LONRF3: variants seen among roughly 807,000 people sequenced by gnomAD.
LONRF3 encodes LON peptidase N-terminal domain and ring finger 3.
A neutral mutation model predicts 51.7 loss-of-function variants in LONRF3; 19 were observed. The ratio of observed to expected loss-of-function variants is 0.37; its 90% CI spans 0.26 to 0.54. LONRF3 has a LOEUF of 0.54. LONRF3 is among the 20% of genes least tolerant of loss of function. The probability of loss-of-function intolerance (pLI) is 0.86; values close to 1 mark genes in which losing one functional copy is unlikely to be tolerated. For missense variants in LONRF3, 521 were observed against 623.9 expected (o/e 0.84, Z 1.76); for synonymous variants, 265 against 257.8 (o/e 1.03, Z -0.27).
rs764198995 is a variant in LONRF3, at chrX:119,013,149, G to A, written c.1922G>A (p.Ser641Asn). The A allele has an allele frequency of 8.2e-7, 1 of 1,212,391 alleles. No individual in the cohort carries two copies. The highest frequency in any genetic ancestry group is 1.1e-6 in the Non-Finnish European group (1 of 895,660). ...GKRRFRVLHQ[S>N]QRDGYNTADI... ...AGGCGCTTCAGGGTGCTCCATCAGA[G>A]CCAGCGGGATGGCTACAACACAGCC... Residue 641 changes from serine to asparagine, a missense_variant, in exon 9 of 11, where the codon AGC (serine) becomes AAC (asparagine). By Grantham distance (46) the Ser-to-Asn change is conservative (BLOSUM62 1). This residue lies in a region of LONRF3 where 145 missense variants were observed against 247.2 expected (regional missense o/e 0.59). Transcript: ENST00000371628.
In LONRF3 at chrX:118,989,717, G is replaced by A. The variant is rs199972979; in HGVS notation, c.1324+45G>A. The A allele has an allele frequency of 8.6e-4, 1,006 of 1,163,027 alleles. 6 individuals are homozygous for A. In the African/African-American group the frequency reaches 0.015, roughly 17 times the overall value. On this transcript the variant is annotated intron_variant, in intron 4 of 10. Coordinates refer to ENST00000371628, the MANE Select transcript of LONRF3 (RefSeq NM_001031855.3). ...AGAAGGTAGCTTGGAGGAGATCCCC[G>A]GGCTCACCAATATATACAAGTTACT...
intron 2 of LONRF3, among the ~76,000 whole-genome samples, chrX:118,980,975 G>T (rs1922505698): frequency 8.9e-6 from 1 of 112,009 alleles, no homozygotes. Flanking sequence ...TTTCTTGGAG[G>T]TTAAGAGAAG....
At chrX:119,009,363 GC>G in intron 7 of LONRF3, 116 bp downstream of exon 7, 1 of 777,246 alleles carries the variant, frequency 1.3e-6, no homozygotes, top group African/African-American at 2.1e-5. Context: ...CTTGAAATTG[GC>G]TATGGTGAGA....
At chrX:119,003,606 A>G (rs1256765121) in intron 5 of LONRF3, among the ~76,000 whole-genome samples, 7 of 112,329 alleles carry the variant, frequency 6.2e-5, no homozygotes, top group South Asian at 3.7e-4. Flanking sequence ...TCCTTGTGCT[A>G]GTCATATACT....
At chrX:118,984,796 A>G (rs1922834347) in intron 3 of LONRF3, among the ~76,000 whole-genome samples, 1 of 112,369 alleles carries the variant, frequency 8.9e-6, no homozygotes, top group Non-Finnish European at 1.9e-5. Flanking sequence ...TGATGAGGCC[A>G]TGGCGGCGAT....
At chrX:119,001,032 A>C (rs1367854802) in intron 5 of LONRF3, among the ~76,000 whole-genome samples, 5 of 111,854 alleles carry the variant, frequency 4.5e-5, no homozygotes, top group Non-Finnish European at 9.4e-5. Context: ...CATCAAACTG[A>C]AAGCATTTAT....
At position 119,006,154 on chromosome X, in the gene LONRF3, G is replaced by A; in HGVS notation, c.1449G>A (p.Gly483=). The A allele has an allele frequency of 8.4e-7, 1 of 1,195,860 alleles. No homozygotes were observed. The highest frequency in any genetic ancestry group is 1.1e-6 in the Non-Finnish European group (1 of 883,961). Residue 483 remains glycine, a synonymous_variant, in exon 6 of 11, where the codon GGG becomes GGA. Coordinates refer to ENST00000371628, the MANE Select transcript of LONRF3 (RefSeq NM_001031855.3). ...ATGAGCCAGTCACAACACCTTGCGG[G>A]CATACTTTTTGCTTAAAATGCCTAG... ...LFYEPVTTPC[G]HTFCLKCLER...
intron 10 of LONRF3, among the ~76,000 whole-genome samples, chrX:119,015,143 A>G (rs186507349): frequency 9.0e-6 from 1 of 111,469 alleles, no homozygotes; most frequent in Non-Finnish European, 1.9e-5. Flanking sequence ...AAGGCTGGAG[A>G]TATCCTAACC....
intron 5 of LONRF3, among the ~76,000 whole-genome samples, chrX:118,999,064 G>A (rs1044522884): frequency 1.8e-5 from 2 of 112,650 alleles, no homozygotes; most frequent in African/African-American, 6.5e-5. Context: ...TATCGATCAT[G>A]TGCATTTGTA....
chrX:118,983,213 T>C (rs767576286), intron 3 of LONRF3, among the ~76,000 whole-genome samples: 1 of 111,980 alleles, frequency 8.9e-6, no homozygotes, highest in African/African-American at 3.2e-5. Flanking sequence ...GGGTCTGGAT[T>C]GTCAGTGGGA....
chrX:118,975,369 G>T lies in LONRF3; in HGVS notation c.589G>T (p.Val197Phe). 2 of 1,208,894 alleles carry T rather than the reference G, an allele frequency of 1.7e-6. No individual in the cohort carries two copies. Among genetic ancestry groups the T allele is most frequent in the Non-Finnish European group, 2.2e-6 (2 of 894,462 alleles). ...CGACCGGCGCTGTGCGCTGTGCGGG[G>T]TCAAGCTCTCCGCCTTGATGGTGGC... ...AADRRCALCG[V>F]KLSALMVATG... is the part of the protein sequence containing the mutation. The change falls in exon 1 of 11, where the codon GTC becomes TTC. Residue 197 changes from valine (V) to phenylalanine (F), a missense_variant. Transcript: ENST00000371628.
chrX:118,989,812 C>A, intron 4 of LONRF3, 140 bp downstream of exon 4: 1 of 605,863 alleles, frequency 1.7e-6, no homozygotes, highest in Non-Finnish European at 2.5e-6. Context: ...GCTGTGTGAC[C>A]TCAGAGATTG....
In LONRF3 at chrX:119,009,161, A is replaced by C. The variant is rs751552072; in HGVS notation, c.1566A>C (p.Ile522=). ...CAAGAAAATACAGCAAAAATGTAAT[A>C]ATGGAGGAGCTCATAGCTAAATTCC... ...LASRKYSKNV[I]MEELIAKFLP... is the part of the protein sequence containing the mutation. The change falls in exon 7 of 11, where the codon ATA becomes ATC. Residue 522 remains isoleucine (I), a synonymous_variant. Coordinates refer to ENST00000371628, the MANE Select transcript of LONRF3 (RefSeq NM_001031855.3). The C allele has an allele frequency of 1.1e-5, 13 of 1,208,956 alleles. No homozygotes were observed. In the Admixed American group the frequency reaches 1.1e-4, roughly 10 times the overall value.
intron 6 of LONRF3, among the ~76,000 whole-genome samples, chrX:119,007,697 G>A (rs1273297100): frequency 1.8e-5 from 2 of 111,777 alleles, no homozygotes; most frequent in Admixed American, 9.5e-5. Flanking sequence ...GGAATGGAGT[G>A]AAATCATCAT....
At chrX:119,014,413 G>C in intron 10 of LONRF3, 57 bp downstream of exon 10, 1 of 1,062,719 alleles carries the variant, frequency 9.4e-7, no homozygotes. Flanking sequence ...AGTGCCTAGT[G>C]TTTGTGATTA....
At chrX:118,997,301 A>C (rs760941217) in intron 5 of LONRF3, among the ~76,000 whole-genome samples, 3 of 112,027 alleles carry the variant, frequency 2.7e-5, no homozygotes, top group Non-Finnish European at 3.8e-5. Flanking sequence ...AAAATAGAGA[A>C]CCCAGAAATA....
rs1423264511 is a variant in LONRF3, at chrX:119,001,881, C to G, written c.1416-4240C>G. ...GTTACATTCTTAAATGAACAATAGG[C>G]CCAATTGCAAAATTCTCAGGAAAAA... On this transcript the variant is annotated intron_variant, in intron 5 of 10. Coordinates refer to ENST00000371628, the MANE Select transcript of LONRF3 (RefSeq NM_001031855.3). Among the ~76,000 whole-genome samples the G allele has an allele frequency of 2.7e-5, 3 of 112,266 alleles. No homozygotes were observed. In the Admixed American group the frequency reaches 2.8e-4, roughly 11 times the overall value.
intron 5 of LONRF3, among the ~76,000 whole-genome samples, chrX:118,998,124 C>G (rs1190931154): frequency 8.9e-6 from 1 of 112,022 alleles, no homozygotes; most frequent in Admixed American, 9.4e-5. Context: ...TGGGTATCTA[C>G]CCAGAGGAAA....
intron 3 of LONRF3, among the ~76,000 whole-genome samples, chrX:118,984,485 C>A (rs1442402900): frequency 8.9e-6 from 1 of 111,973 alleles, no homozygotes; most frequent in Non-Finnish European, 1.9e-5. Flanking sequence ...CTTGTTTGTC[C>A]ATTTCCCAGC....
Sources: allele counts gnomAD v4.1 joint callset (sites outside exome capture counted in the v4.1 genomes callset), GRCh38; gene constraint gnomAD v4.1.1; regional missense constraint gnomAD v4.1.1; transcripts MANE v1.5; gene names NCBI Gene and HGNC (gene_info 2026-07-23, HGNC 2026-07-21).